The following CADPS2 variants were observed in gnomAD, a reference collection of about 807,000 sequenced individuals.
CADPS2 encodes calcium-dependent secretion activator 2.
CADPS2 carries 93 observed loss-of-function variants against 172.5 expected under a neutral mutation model. The observed-to-expected ratio is 0.54, with a 90% CI of 0.46 to 0.64. The LOEUF is 0.64. CADPS2 is among the 30% of genes least tolerant of loss of function. The pLI, the probability that CADPS2 is intolerant of heterozygous loss-of-function variation, is 0.00. For synonymous variants in CADPS2, 546 were observed against 555.2 expected (o/e 0.98, Z 0.23); for missense variants, 1,420 against 1,565.9 (o/e 0.91, Z 1.57).
At chr7:122,832,463 G>A (rs546610915) in intron 1 of CADPS2, among the ~76,000 whole-genome samples, 4 of 152,256 alleles carry the variant, frequency 2.6e-5, no homozygotes, top group African/African-American at 7.2e-5. Flanking sequence ...TTAATCTTAC[G>A]CAGCCATCTC....
At chr7:122,698,435 C>T in intron 2 of CADPS2, 1 of 1,614,012 alleles carries the variant, frequency 6.2e-7, no homozygotes, top group Non-Finnish European at 8.5e-7. Context: ...TGGAAAATTT[C>T]CGTGCCTTTT....
chr7:122,593,019 T>TAAATAAAG (rs201047624), intron 6 of CADPS2, among the ~76,000 whole-genome samples: 1 of 151,448 alleles, frequency 6.6e-6, no homozygotes. Context: ...AATAAATAAA[T>TAAATAAAG]GTATTTGAAA....
intron 9 of CADPS2, among the ~76,000 whole-genome samples, chr7:122,512,311 C>A (rs924613697): frequency 2.0e-5 from 3 of 151,994 alleles, no homozygotes; most frequent in African/African-American, 7.2e-5. Context: ...TCCAGTTAAG[C>A]TTGTTTAATG....
At chr7:122,710,670 C>T (rs2088555302) in intron 2 of CADPS2, among the ~76,000 whole-genome samples, 1 of 152,034 alleles carries the variant, frequency 6.6e-6, no homozygotes. Context: ...TTCCATTTTC[C>T]AGCTAATAAA....
intron 2 of CADPS2, among the ~76,000 whole-genome samples, chr7:122,689,010 C>A (rs563286635): frequency 4.6e-5 from 7 of 152,126 alleles, no homozygotes; most frequent in Non-Finnish European, 8.8e-5. Flanking sequence ...CATTCCACCC[C>A]CTAGGCTGAT....
chr7:122,634,422 T>C (rs2076862192), intron 3 of CADPS2, among the ~76,000 whole-genome samples: 2 of 152,176 alleles, frequency 1.3e-5, no homozygotes, highest in Admixed American at 1.3e-4. Context: ...TCCCAGTAAT[T>C]TATCCATTTC....
At chr7:122,355,933 T>G (rs2151084707) in intron 27 of CADPS2, among the ~76,000 whole-genome samples, 1 of 152,328 alleles carries the variant, frequency 6.6e-6, no homozygotes, top group East Asian at 1.9e-4. Flanking sequence ...TTAATAAACA[T>G]TTTATTTTAG....
chr7:122,779,052 A>T (rs1045773484), intron 1 of CADPS2, among the ~76,000 whole-genome samples: 1 of 151,538 alleles, frequency 6.6e-6, no homozygotes, highest in Non-Finnish European at 1.5e-5. Context: ...CTCTGCACAC[A>T]CTCTCTTGTC....
intron 6 of CADPS2, among the ~76,000 whole-genome samples, chr7:122,605,117 A>C (rs2133598393): frequency 6.6e-6 from 1 of 152,256 alleles, no homozygotes; most frequent in South Asian, 2.1e-4. Flanking sequence ...GTACAGTGAA[A>C]ATATGGTATA....
At chr7:122,470,027 G>A (rs2055705332) in intron 14 of CADPS2, among the ~76,000 whole-genome samples, 1 of 152,146 alleles carries the variant, frequency 6.6e-6, no homozygotes, top group Non-Finnish European at 1.5e-5. Flanking sequence ...GTAAAATTTT[G>A]TGGAGACAAG....
intron 2 of CADPS2, among the ~76,000 whole-genome samples, chr7:122,670,464 G>C (rs1487854895): frequency 6.6e-6 from 1 of 151,922 alleles, no homozygotes; most frequent in African/African-American, 2.4e-5. Context: ...CCAGCCACTC[G>C]GGAGGCCAAG....
At chr7:122,861,859 T>G (rs780087238) in intron 1 of CADPS2, among the ~76,000 whole-genome samples, 1 of 152,228 alleles carries the variant, frequency 6.6e-6, no homozygotes, top group Non-Finnish European at 1.5e-5. Flanking sequence ...CCAGACTGCA[T>G]GCTTTTCATT....
intron 2 of CADPS2, chr7:122,701,920 T>A: frequency 6.2e-7 from 1 of 1,613,652 alleles, no homozygotes; most frequent in Non-Finnish European, 8.5e-7. Context: ...GGAAAAAATG[T>A]TTGCAAGTTA....
intron 17 of CADPS2, among the ~76,000 whole-genome samples, chr7:122,433,838 G>T (rs1306983669): frequency 2.0e-5 from 3 of 152,210 alleles, no homozygotes; most frequent in Admixed American, 2.0e-4. Flanking sequence ...TTGAAGCAAG[G>T]TATATATGGG....
intron 8 of CADPS2, among the ~76,000 whole-genome samples, chr7:122,513,762 G>T (rs1305479953): frequency 6.6e-6 from 1 of 152,170 alleles, no homozygotes; most frequent in Non-Finnish European, 1.5e-5. Context: ...GTCCAGCTGG[G>T]TGACCCCAAA....
rs1816520872 is a variant in CADPS2 at position 122,860,063 on chromosome 7, C to A, written c.339+25936G>T. Among the ~76,000 whole-genome samples, 7 of 152,106 alleles carry A rather than the reference C, an allele frequency of 4.6e-5. No individual in the cohort carries two copies. The South Asian group carries it at 1.5e-3, about 32-fold the overall frequency. ...TAGAACGTTCTGGGATTTATAAGTG[C>A]ACTAATAAAAACTGTAGGATGACTT... On this transcript the variant is annotated intron_variant, in intron 1 of 29. Transcript: ENST00000449022.
At chr7:122,386,218 A>T in intron 24 of CADPS2, 2 of 1,017,422 alleles carry the variant, frequency 2.0e-6, no homozygotes, top group Non-Finnish European at 2.7e-6. Context: ...ATTTGAAAAG[A>T]TGAAAATAAA....
chr7:122,324,689 C>G (rs192374581), intron 29 of CADPS2, among the ~76,000 whole-genome samples: 53 of 152,146 alleles, frequency 3.5e-4, no homozygotes, highest in Non-Finnish European at 6.3e-4. Context: ...AAGTAAAGGT[C>G]TTTTGTTTAA....
At position 122,772,292 on chromosome 7, in the gene CADPS2, T is replaced by C. The variant is rs2093728845; in HGVS notation, c.340-35224A>G. On this transcript the variant is annotated intron_variant, in intron 1 of 29. Transcript: ENST00000449022. ...ATTGTCATATTTCTTCAAGAACGGT[T>C]CATAGTAAAAATGTGATTAACATAT... is the stretch of plus-strand genomic sequence containing the variant. Among the ~76,000 whole-genome samples the C allele has an allele frequency of 2.0e-5, 3 of 152,182 alleles. No homozygotes were observed. The South Asian group carries it at 6.2e-4, about 32-fold the overall frequency.
Sources: allele counts gnomAD v4.1 joint callset (sites outside exome capture counted in the v4.1 genomes callset), GRCh38; gene constraint gnomAD v4.1.1; transcripts MANE v1.5; gene names NCBI Gene and HGNC (gene_info 2026-07-23, HGNC 2026-07-21).